Variants in LIMA1 observed in about 807,000 individuals in gnomAD.
LIMA1 encodes LIM domain and actin-binding protein 1.
LIMA1 carries 52 observed loss-of-function variants against 62.6 expected under a neutral mutation model. That is an observed-to-expected ratio of 0.83 (90% CI 0.67 to 1.05). The LOEUF is 1.05. Among genes scored for constraint, LIMA1 ranks in the 50% least tolerant of loss-of-function variants. The pLI is 0.00. For synonymous variants in LIMA1, 302 were observed against 317.8 expected (o/e 0.95, Z 0.53); for missense variants, 780 against 902.2 (o/e 0.86, Z 1.74).
At chr12:50,192,147 A>G (rs1468265552) in intron 9 of LIMA1, among the ~76,000 whole-genome samples, 1 of 151,310 alleles carries the variant, frequency 6.6e-6, no homozygotes, top group Non-Finnish European at 1.5e-5. Flanking sequence ...AAAAAAAAAA[A>G]AAGATAATAA....
chr12:50,272,283 C>T (rs927146420), intron 1 of LIMA1, among the ~76,000 whole-genome samples: 4 of 151,782 alleles, frequency 2.6e-5, no homozygotes, highest in African/African-American at 9.7e-5. Flanking sequence ...GTTCTTTAAT[C>T]CTTCCTTTCT....
At chr12:50,269,318 T>C (rs1034325605) in intron 1 of LIMA1, among the ~76,000 whole-genome samples, 2 of 152,166 alleles carry the variant, frequency 1.3e-5, no homozygotes, top group Admixed American at 6.5e-5. Context: ...TATTGAATAA[T>C]ATTCAGATGA....
At chr12:50,199,461 G>A (rs886148895) in intron 7 of LIMA1, among the ~76,000 whole-genome samples, 1 of 152,084 alleles carries the variant, frequency 6.6e-6, no homozygotes, top group Non-Finnish European at 1.5e-5. Context: ...ACTTCCACAC[G>A]TTCTTCAAGA....
chr12:50,260,451 G>C (rs1404705270), intron 1 of LIMA1, among the ~76,000 whole-genome samples: 4 of 152,070 alleles, frequency 2.6e-5, no homozygotes, highest in Non-Finnish European at 5.9e-5. Context: ...GCCCAGCCCA[G>C]TCCTAGAATT....
chr12:50,193,663 T>TAC (rs1940855349), intron 8 of LIMA1, among the ~76,000 whole-genome samples: 1 of 74,706 alleles, frequency 1.3e-5, no homozygotes, highest in Admixed American at 1.3e-4. Flanking sequence ...TATATATATA[T>TAC]ATATTTTTTT....
chr12:50,251,100 T>C (rs1458270534), intron 1 of LIMA1, among the ~76,000 whole-genome samples: 1 of 152,106 alleles, frequency 6.6e-6, no homozygotes, highest in East Asian at 1.9e-4. Flanking sequence ...GCCAGCCCCT[T>C]CTCTAAGATG....
At position 50,213,112 on chromosome 12, in the gene LIMA1, G is replaced by A. The variant is rs555404303; in HGVS notation, c.631-7044C>T. On this transcript the variant is annotated intron_variant, in intron 4 of 10. Transcript: ENST00000341247. ...CCCAAAGTGCTGGGATTACAAGTGT[G>A]AGCCACCACGCCAGGTCCCAAACTC... Among the ~76,000 whole-genome samples the A allele has an allele frequency of 4.9e-4, 75 of 152,224 alleles. 1 individual carries two copies. In the South Asian group the frequency reaches 0.015, roughly 31 times the overall value.
rs1200079226 is a variant in LIMA1 at position 50,222,615 on chromosome 12, C to T, written c.166-130G>A. ...CACTGCTGTTTCAGACAGCTGTGAACAGTTACAGCCTTGCCACATGGAGAA... is the reference window on the plus strand; with the variant it reads ...CACTGCTGTTTCAGACAGCTGTGAATAGTTACAGCCTTGCCACATGGAGAA... On this transcript the variant is annotated intron_variant, in intron 3 of 10. Coordinates refer to ENST00000341247, the MANE Select transcript of LIMA1 (RefSeq NM_016357.5). The T allele has an allele frequency of 3.2e-6, 5 of 1,540,702 alleles. No homozygotes were observed. The African/African-American group carries it at 5.5e-5, about 17-fold the overall frequency.
chr12:50,210,430 A>AAAAAG (rs1367386040), intron 4 of LIMA1, among the ~76,000 whole-genome samples: 3 of 151,694 alleles, frequency 2.0e-5, no homozygotes, highest in East Asian at 1.9e-4. Context: ...AAAAAAAAAA[A>AAAAAG]AAAAAGAAAA....
At chr12:50,221,777 T>C (rs979063597) in intron 4 of LIMA1, among the ~76,000 whole-genome samples, 8 of 152,228 alleles carry the variant, frequency 5.3e-5, no homozygotes, top group African/African-American at 1.9e-4. Flanking sequence ...TATTAAACTC[T>C]CTTCATTTCT....
chr12:50,263,137 T>G lies in LIMA1; in HGVS notation c.-23-14363A>C, dbSNP rs190205343. On this transcript the variant is annotated intron_variant, in intron 1 of 10. Coordinates refer to ENST00000341247, the MANE Select transcript of LIMA1 (RefSeq NM_016357.5). ...TAATAAAATTGAGTTATTCTCATTCTTTTTTTTCCTCTAGCCAGGTCTGTT... is the reference window on the plus strand; with the variant it reads ...TAATAAAATTGAGTTATTCTCATTCGTTTTTTTCCTCTAGCCAGGTCTGTT... Among the ~76,000 whole-genome samples the G allele has an allele frequency of 8.6e-5, 13 of 151,830 alleles. No homozygotes were observed. The East Asian group carries it at 1.9e-3, about 22-fold the overall frequency.
rs758187873 is a variant in LIMA1 at position 50,202,629 on chromosome 12, A to G, written c.865-1745T>C. On this transcript the variant is annotated intron_variant, in intron 6 of 10. Coordinates refer to ENST00000341247, the MANE Select transcript of LIMA1 (RefSeq NM_016357.5). Reference sequence around the variant, plus strand: ...CCACTTTGCTAATTGATTTACACACATCATCTCTTCTTAAAACATAAAGTT... The same window carrying G: ...CCACTTTGCTAATTGATTTACACACGTCATCTCTTCTTAAAACATAAAGTT... Among the ~76,000 whole-genome samples the G allele has an allele frequency of 1.6e-3, 237 of 152,358 alleles. 2 individuals carry two copies. Among genetic ancestry groups the G allele is most frequent in the Non-Finnish European group, 2.8e-3 (191 of 68,038 alleles).
At chr12:50,281,165 T>C (rs1318743674) in intron 1 of LIMA1, among the ~76,000 whole-genome samples, 1 of 152,198 alleles carries the variant, frequency 6.6e-6, no homozygotes, top group Non-Finnish European at 1.5e-5. Flanking sequence ...TGTGTCTGTG[T>C]GTGTGTCTTT....
At chr12:50,213,904 GAGA>G (rs773836314) in intron 4 of LIMA1, among the ~76,000 whole-genome samples, 5 of 152,124 alleles carry the variant, frequency 3.3e-5, no homozygotes, top group Non-Finnish European at 4.4e-5. Context: ...AAAGTAAGCA[GAGA>G]AGAAGAGATG....
At chr12:50,199,676 T>C (rs1941003461) in intron 7 of LIMA1, among the ~76,000 whole-genome samples, 1 of 152,204 alleles carries the variant, frequency 6.6e-6, no homozygotes, top group Non-Finnish European at 1.5e-5. Context: ...TTTAAGCTTA[T>C]TATTTCCTAT....
chr12:50,210,418 CAA>C (rs769288381), intron 4 of LIMA1, among the ~76,000 whole-genome samples: 1,515 of 90,788 alleles, frequency 0.017, 28 homozygotes, highest in African/African-American at 0.051. Flanking sequence ...ACCCCATTTC[CAA>C]AAAAAAAAAA....
intron 2 of LIMA1, among the ~76,000 whole-genome samples, chr12:50,238,376 G>A (rs1402441067): frequency 6.6e-6 from 1 of 151,914 alleles, no homozygotes; most frequent in Admixed American, 6.6e-5. Context: ...GTGTGGTGGT[G>A]GGCACCTATA....
rs1415818741 is a variant in LIMA1, at chr12:50,231,650, T to C, written c.165+15A>G. The stretch of plus-strand genomic sequence containing the variant: ...TCAAGAAGTGCCACATGCCCTGGAA[T>C]TTCTGAATACTTACACTTCTCTTCT... On this transcript the variant is annotated intron_variant, in intron 3 of 10. Coordinates refer to ENST00000341247, the MANE Select transcript of LIMA1 (RefSeq NM_016357.5). 1 of 1,605,408 alleles carries C rather than the reference T, an allele frequency of 6.2e-7. No homozygotes were observed. Among genetic ancestry groups the C allele is most frequent in the Non-Finnish European group, 8.5e-7 (1 of 1,179,346 alleles).
rs142007630 is a variant in LIMA1, at chr12:50,192,492, G to A, written c.1100C>T (p.Ala367Val). The part of the protein sequence containing the change: ...HPKPLSPDSR[A>V]SSLSESSPPK... ...AGGAGAACTTTCAGAAAGACTGGAG[G>A]CTCTGGAATCTGGACTTAGTGGCTT... Residue 367 changes from alanine (A) to valine (V), a missense_variant, in exon 9 of 11, where the codon GCC becomes GTC. Transcript: ENST00000341247. 360 of 1,613,882 alleles carry A rather than the reference G, an allele frequency of 2.2e-4. No homozygotes were observed. Among genetic ancestry groups the A allele is most frequent in the Non-Finnish European group, 2.8e-4 (335 of 1,179,912 alleles).
Sources: allele counts gnomAD v4.1 joint callset (sites outside exome capture counted in the v4.1 genomes callset), GRCh38; gene constraint gnomAD v4.1.1; transcripts MANE v1.5; gene names NCBI Gene and HGNC (gene_info 2026-07-23, HGNC 2026-07-21).